LEMD1: variants seen among roughly 807,000 people sequenced by gnomAD.
LEMD1 encodes LEM domain-containing protein 1.
A neutral mutation model predicts 17.4 loss-of-function variants in LEMD1; 18 were observed. The observed-to-expected ratio is 1.04, with a 90% confidence interval of 0.72 to 1.54. The LOEUF (loss-of-function observed/expected upper bound fraction) is 1.54, where lower values mean the gene tolerates loss of function less well. Ranked by LOEUF, LEMD1 falls within the 40% of genes most tolerant of loss-of-function variation. LEMD1 has a pLI of 0.00. For missense variants in LEMD1, 195 were observed against 210.4 expected, an observed-to-expected ratio of 0.93 and a Z score of 0.45; for synonymous variants, 88 against 77.8, an observed-to-expected ratio of 1.13 and a Z score of -0.69.
In LEMD1 at chr1:205,408,506, T is replaced by C. The variant is rs1010671103; in HGVS notation, c.270+7726A>G. Among the ~76,000 whole-genome samples the C allele has an allele frequency of 2.7e-4, 37 of 138,396 alleles. 1 individual carries two copies. The highest frequency in any genetic ancestry group is 2.4e-3 in the Admixed American group (35 of 14,488). 90.8% of individuals were successfully genotyped at this position (138,396 alleles called of 152,430 possible). A position where few individuals can be genotyped will look rare whatever the true frequency, so the allele number is the denominator to read the frequency against. The stretch of plus-strand genomic sequence containing the variant: ...TTTTTCTTTCTTTCTTTCTTTCTTT[T>C]TTTTTTTTTTTTGAGACAGGATCTC... On this transcript the variant is annotated intron_variant, in intron 4 of 5. Transcript: ENST00000367153.
At chr1:205,402,879 A>G (rs1488010344) in intron 4 of LEMD1, among the ~76,000 whole-genome samples, 1 of 152,010 alleles carries the variant, frequency 6.6e-6, no homozygotes, top group East Asian at 1.9e-4. Flanking sequence ...CATCCCATCA[A>G]TACCTAATTT....
chr1:205,424,300 A>G (rs1558738653), upstream of LEMD1, among the ~76,000 whole-genome samples: 1 of 152,234 alleles, frequency 6.6e-6, no homozygotes, highest in Non-Finnish European at 1.5e-5. Flanking sequence ...AAGCGGAGGC[A>G]TTTCCCCAGA....
intron 4 of LEMD1, among the ~76,000 whole-genome samples, chr1:205,400,818 T>A (rs1301503058): frequency 6.8e-6 from 1 of 146,876 alleles, no homozygotes; most frequent in Admixed American, 6.9e-5. Flanking sequence ...CATTTAGCAT[T>A]AGGTATATCT....
At chr1:205,431,094 T>G (rs1231353021) in intron 1 of LEMD1, among the ~76,000 whole-genome samples, 1 of 152,202 alleles carries the variant, frequency 6.6e-6, no homozygotes, top group Admixed American at 6.5e-5. Flanking sequence ...TCACTTTCAC[T>G]GCACAGGTCA....
Position 205,433,338 on chromosome 1 carries a change from T to A in LEMD1, c.-38-12764A>T, listed in dbSNP as rs184487700. Among the ~76,000 whole-genome samples the A allele has an allele frequency of 2.4e-4, 37 of 152,166 alleles. No homozygotes were observed. The East Asian group carries it at 7.0e-3, about 29-fold the overall frequency. On this transcript the variant is annotated intron_variant, in intron 1 of 3. Coordinates refer to the LEMD1 transcript ENST00000367154. ...GAGGCGTGGTGGCGGGTGCCTGTAA[T>A]CCCAGCTACTTGGGAGGCTGAGGCA...
chr1:205,433,514 G>A (rs1437473768), intron 1 of LEMD1, among the ~76,000 whole-genome samples: 1 of 152,122 alleles, frequency 6.6e-6, no homozygotes, highest in Non-Finnish European at 1.5e-5. Flanking sequence ...GCAATGTCTG[G>A]CTTTCCTACA....
upstream of LEMD1, among the ~76,000 whole-genome samples, chr1:205,425,111 C>T (rs779226641): frequency 1.3e-5 from 2 of 152,214 alleles, no homozygotes; most frequent in Non-Finnish European, 2.9e-5. Context: ...CAGCCATGAG[C>T]CTGCTTACAT....
intron 4 of LEMD1, among the ~76,000 whole-genome samples, chr1:205,387,891 A>G (rs777196303): frequency 1.3e-5 from 2 of 152,270 alleles, no homozygotes; most frequent in Non-Finnish European, 2.9e-5. Context: ...CGTATATGGC[A>G]TTCCCTGTGC....
Position 205,441,857 on chromosome 1 carries a change from C to T in LEMD1, c.-39+8011G>A, listed in dbSNP as rs895070278. Among the ~76,000 whole-genome samples the T allele has an allele frequency of 3.9e-5, 6 of 152,190 alleles. No individual in the cohort carries two copies. The highest frequency in any genetic ancestry group is 6.5e-5 in the Admixed American group (1 of 15,290). On this transcript the variant is annotated intron_variant, in intron 1 of 3. Coordinates refer to the LEMD1 transcript ENST00000367154. The surrounding 1 kb of genome is among the most constrained non-coding windows in gnomAD (Gnocchi z 4.3). Reference sequence around the variant, plus strand: ...AGGCTGGATCTGCCCCAGCTGGACACGCTGTCCCCCACCTCTGGCTGACCC... The same window carrying T: ...AGGCTGGATCTGCCCCAGCTGGACATGCTGTCCCCCACCTCTGGCTGACCC...
intron 1 of LEMD1, among the ~76,000 whole-genome samples, chr1:205,428,624 C>G (rs915891795): frequency 6.6e-6 from 1 of 152,026 alleles, no homozygotes; most frequent in African/African-American, 2.4e-5. Flanking sequence ...GGGAGGAAAG[C>G]GCTCTGATTT....
At chr1:205,397,562 A>G (rs576754619) in intron 4 of LEMD1, among the ~76,000 whole-genome samples, 2 of 152,140 alleles carry the variant, frequency 1.3e-5, no homozygotes, top group Non-Finnish European at 2.9e-5. Context: ...CTGCACTTCA[A>G]TCTGGGAGAT....
At chr1:205,409,345 C>CAG (rs1665276044) in intron 4 of LEMD1, among the ~76,000 whole-genome samples, 1 of 152,156 alleles carries the variant, frequency 6.6e-6, no homozygotes, top group Non-Finnish European at 1.5e-5. Context: ...TGTTGTACTA[C>CAG]AGGTAATTAA....
intron 1 of LEMD1, among the ~76,000 whole-genome samples, chr1:205,427,907 T>G (rs369636018): frequency 2.0e-5 from 3 of 152,164 alleles, no homozygotes; most frequent in East Asian, 3.9e-4. Flanking sequence ...ACTCGTGAAA[T>G]GGAAACAAAC....
At chr1:205,431,811 G>C (rs536597581) in intron 1 of LEMD1, among the ~76,000 whole-genome samples, 142 of 152,188 alleles carry the variant, frequency 9.3e-4, no homozygotes, top group African/African-American at 3.3e-3. Flanking sequence ...CCGCCTCCCG[G>C]GTTCAAGAGA....
intron 1 of LEMD1, among the ~76,000 whole-genome samples, chr1:205,431,984 G>A (rs1666131732): frequency 6.6e-6 from 1 of 152,096 alleles, no homozygotes; most frequent in South Asian, 2.1e-4. Context: ...CAAAGTGCTG[G>A]GATTACAGGT....
intron 1 of LEMD1, among the ~76,000 whole-genome samples, chr1:205,444,041 C>T (rs1007182280): frequency 1.3e-5 from 2 of 152,130 alleles, no homozygotes; most frequent in Non-Finnish European, 2.9e-5. Flanking sequence ...GGTCCCCTTG[C>T]TGCGTCTATT....
intron 4 of LEMD1, among the ~76,000 whole-genome samples, chr1:205,410,631 G>T (rs1291942402): frequency 1.3e-5 from 2 of 152,170 alleles, no homozygotes; most frequent in African/African-American, 2.4e-5. Flanking sequence ...ATGCAGAGGA[G>T]TCAAATTATG....
chr1:205,407,447 C>A (rs189230473), intron 4 of LEMD1, among the ~76,000 whole-genome samples: 1 of 151,796 alleles, frequency 6.6e-6, no homozygotes, highest in Admixed American at 6.6e-5. Flanking sequence ...GTCAATCATG[C>A]GTAAGTAACA....
At chr1:205,395,858 C>G (rs1177250750) in intron 4 of LEMD1, among the ~76,000 whole-genome samples, 1 of 151,972 alleles carries the variant, frequency 6.6e-6, no homozygotes, top group Non-Finnish European at 1.5e-5. Flanking sequence ...GATGAGAAAA[C>G]ACAAATGACC....
Sources: gnomAD v4.1 joint callset for allele counts (sites outside exome capture counted in the v4.1 genomes callset) on GRCh38, gnomAD v4.1.1 for gene constraint, Gnocchi (gnomAD v3.1) non-coding constraint, MANE v1.5 for transcripts, NCBI Gene and HGNC (gene_info 2026-07-23, HGNC 2026-07-21) for gene names.